The following SPTBN5 variants were observed in gnomAD, a reference collection of about 807,000 sequenced individuals.
SPTBN5 encodes spectrin beta chain, non-erythrocytic 5.
Under a neutral mutation model 477.6 loss-of-function variants are expected in SPTBN5, and 513 were observed. The ratio of observed to expected loss-of-function variants is 1.07; its 90% CI spans 1.00 to 1.16. SPTBN5 has a LOEUF of 1.16. Ranked by LOEUF, SPTBN5 falls within the 50% of genes most tolerant of loss-of-function variation. SPTBN5 has a pLI of 0.00. For missense variants in SPTBN5, 5,062 were observed against 4,731.8 expected, an observed-to-expected ratio of 1.07 and a Z score of -2.05; for synonymous variants, 2,169 against 2,011.7, an observed-to-expected ratio of 1.08 and a Z score of -2.09.
At chr15:41,854,514 T>C (rs890506) in intron 56 of SPTBN5, among the ~76,000 whole-genome samples, 53,873 of 151,728 alleles carry the variant, frequency 0.36, 10,223 homozygotes, top group Middle Eastern at 0.5. Context: ...TGGCTGACCC[T>C]GGCAGTACCA....
chr15:41,849,744 T>C (rs903100012), intron 67 of SPTBN5, 125 bp downstream of exon 67: 7 of 734,296 alleles, frequency 9.5e-6, no homozygotes, highest in Non-Finnish European at 1.6e-5. Flanking sequence ...AGGGTTCCAA[T>C]AGCATTTCCC....
chr15:41,868,628 C>G (rs1372296677), intron 32 of SPTBN5, 27 bp from the exon 33 acceptor site: 3 of 1,591,608 alleles, frequency 1.9e-6, no homozygotes, highest in Middle Eastern at 1.7e-4. Flanking sequence ...GGAGGGAGAG[C>G]CGGGTGAGGG....
intron 23 of SPTBN5, 36 bp downstream of exon 23, chr15:41,874,806 G>A: frequency 6.4e-7 from 1 of 1,573,328 alleles, no homozygotes; most frequent in East Asian, 2.3e-5. Flanking sequence ...TCACATGGAG[G>A]AGTGACACAC....
rs1477148092 is a variant in SPTBN5 at position 41,853,586 on chromosome 15, G to A, written c.9976C>T (p.Leu3326=). 6 of 1,572,144 alleles carry A rather than the reference G, an allele frequency of 3.8e-6. No homozygotes were observed. Among genetic ancestry groups the A allele is most frequent in the Non-Finnish European group, 8.7e-7 (1 of 1,155,820 alleles). Residue 3326 remains leucine, a synonymous_variant, in exon 58 of 68, where the codon CTG becomes TTG. Coordinates refer to ENST00000320955, the MANE Select transcript of SPTBN5 (RefSeq NM_016642.4). The part of the protein sequence containing the change: ...GHAFLGRCQE[L]LAWAQERQEL... ...CAGCTGAGGTAGGACACCTACAGCAGTTCCTGGCAGCGCCCGAGGAAGGCA... is the reference window on the plus strand; with the variant it reads ...CAGCTGAGGTAGGACACCTACAGCAATTCCTGGCAGCGCCCGAGGAAGGCA...
chr15:41,850,847 A>G lies in SPTBN5; in HGVS notation c.10921+7T>C, dbSNP rs1244521463. On this transcript the variant is annotated splice_region_variant and intron_variant, in intron 66 of 67. Coordinates refer to ENST00000320955, the MANE Select transcript of SPTBN5 (RefSeq NM_016642.4). ...CGCCCTCCCCGCATCCTTCCCCTGA[A>G]GCCCACCTGCAGTGCTGCCCAGGGC... 6.3e-7 allele frequency: 1 copy of G among 1,589,352 alleles called. No individual in the cohort carries two copies. Among genetic ancestry groups the G allele is most frequent in the East Asian group, 2.3e-5 (1 of 43,472 alleles).
rs2067154430 is a variant in SPTBN5 at position 41,886,451 on chromosome 15, G to T, written c.889-85C>A. 1.1e-5 allele frequency: 16 copies of T among 1,428,434 alleles called. 1 individual carries two copies. The South Asian group carries it at 2.2e-4, about 20-fold the overall frequency. 88.5% of individuals were successfully genotyped at this position (1,428,434 alleles called of 1,614,324 possible). A position where few individuals can be genotyped will look rare whatever the true frequency, so the allele number is the denominator to read the frequency against. On this transcript the variant is annotated intron_variant, in intron 6 of 67. Transcript: ENST00000320955. The stretch of plus-strand genomic sequence containing the variant: ...CTGAGTGCCAGCCAGAGTTCCCCAG[G>T]TGGGCTGTAGCTACTTCTCTGAGCC...
intron 53 of SPTBN5, 24 bp from the exon 54 acceptor site, chr15:41,855,769 C>T (rs779629576): frequency 5.0e-5 from 77 of 1,538,016 alleles, no homozygotes; most frequent in South Asian, 1.4e-4. Context: ...AGTGGAGATC[C>T]GTTTTCCCGG....
rs572179901 is a variant in SPTBN5 at position 41,885,163 on chromosome 15, A to G, written c.1520+572T>C. Reference sequence around the variant, plus strand: ...CTCAGCCTCCCGAGTAGCTGAGATTACAGGCGCCCGCCACCACGCCTGGCT... The same window carrying G: ...CTCAGCCTCCCGAGTAGCTGAGATTGCAGGCGCCCGCCACCACGCCTGGCT... On this transcript the variant is annotated intron_variant, in intron 7 of 67. Coordinates refer to ENST00000320955, the MANE Select transcript of SPTBN5 (RefSeq NM_016642.4). Among the ~76,000 whole-genome samples, 18 of 152,190 alleles carry G rather than the reference A, an allele frequency of 1.2e-4. No homozygotes were observed. In the East Asian group the frequency reaches 3.1e-3, roughly 26 times the overall value.
rs778216329 is a variant in SPTBN5, at chr15:41,852,197, C to T, written c.10569G>A (p.Glu3523=). The change falls in exon 62 of 68, where the codon GAG becomes GAA. Residue 3523 remains glutamate, a synonymous_variant. Transcript: ENST00000320955. The stretch of plus-strand genomic sequence containing the variant: ...GGACACCTGCCTGGGGGTCCCTCGT[C>T]TCAGCCAGCTGTGCTCCTAGCCCCT... ...GHQGLGAQLA[E]TRDPQDAKGT... is the part of the protein sequence containing the mutation. 20 of 1,597,466 alleles carry T rather than the reference C, an allele frequency of 1.3e-5. No individual in the cohort carries two copies. The highest frequency in any genetic ancestry group is 1.7e-5 in the Non-Finnish European group (20 of 1,169,054).
In SPTBN5 at chr15:41,868,543, C is replaced by T. The variant is rs1414665779; in HGVS notation, c.5912G>A (p.Ser1971Asn). Residue 1971 changes from serine (S) to asparagine (N), a missense_variant, in exon 33 of 68, where the codon AGT (serine) becomes AAT (asparagine). Ser to Asn is a conservative substitution (Grantham distance 46). Transcript: ENST00000320955. ...CGGGCCACTGCTAGGCTCTTGCGAA[C>T]TCTCCTCCACCTGCAGGTCCTGGCG... is the stretch of plus-strand genomic sequence containing the variant. ...RVRQDLQVEESSQEPSSGPLK... is the reference protein window; with the variant it reads ...RVRQDLQVEENSQEPSSGPLK... 6.2e-7 allele frequency: 1 copy of T among 1,605,876 alleles called. No homozygotes were observed. The highest frequency in any genetic ancestry group is 8.5e-7 in the Non-Finnish European group (1 of 1,179,678).
intron 63 of SPTBN5, 81 bp from the exon 64 acceptor site, chr15:41,851,450 G>A: frequency 9.6e-7 from 1 of 1,037,596 alleles, no homozygotes; most frequent in Non-Finnish European, 1.4e-6. Flanking sequence ...CACCATGTGT[G>A]TGGAGCTTCC....
At position 41,878,571 on chromosome 15, in the gene SPTBN5, G is replaced by T. The variant is rs1258362047; in HGVS notation, c.3241C>A (p.Gln1081Lys). The change falls in exon 17 of 68, where the codon CAG becomes AAG. Residue 1081 changes from glutamine (Q) to lysine (K), a missense_variant. Physicochemically the swap from Gln to Lys is moderately conservative, Grantham distance 53 (BLOSUM62 1). Transcript: ENST00000320955. Reference sequence around the variant, plus strand: ...TCCTGTACTTGCTTCAGCAGCCCCTGCAGTGTCTCCACCTGTCCTTGCAGA... The same window carrying T: ...TCCTGTACTTGCTTCAGCAGCCCCTTCAGTGTCTCCACCTGTCCTTGCAGA... ...QPLQGQVETL[Q>K]GLLKQVQEQV... is the part of the protein sequence containing the mutation. 1.2e-6 allele frequency: 2 copies of T among 1,612,746 alleles called. No homozygotes were observed. Among genetic ancestry groups the T allele is most frequent in the African/African-American group, 1.3e-5 (1 of 74,944 alleles).
chr15:41,851,060 T>C lies in SPTBN5; in HGVS notation c.10834A>G (p.Arg3612Gly), dbSNP rs779140053. ...CGGAGTCCATGTCTCTCCGCTCACC[T>C]TAAGGAGAATGTGTGTTTCCTGCCG... is the stretch of plus-strand genomic sequence containing the variant. ...RHGRKHTFSL[R>G]LTSGAEILFA... is the part of the protein sequence containing the mutation. The change falls in exon 65 of 68, where the codon AGG becomes GGG. Residue 3612 changes from arginine to glycine, a missense_variant and splice_region_variant. Transcript: ENST00000320955. 10 of 1,611,616 alleles carry C rather than the reference T, an allele frequency of 6.2e-6. No individual in the cohort carries two copies. In the East Asian group the frequency reaches 2.0e-4, roughly 32 times the overall value.
Position 41,856,603 on chromosome 15 carries a change from G to C in SPTBN5, c.8809-5C>G, listed in dbSNP as rs763797990. On this transcript the variant is annotated splice_polypyrimidine_tract_variant and splice_region_variant and intron_variant, in intron 52 of 67. Coordinates refer to ENST00000320955, the MANE Select transcript of SPTBN5 (RefSeq NM_016642.4). Reference sequence around the variant, plus strand: ...GCTCATCTCACTCTCCAGGTTCTGCGGGGGAGGAGGCAGGAGGATGCGGAT... The same window carrying C: ...GCTCATCTCACTCTCCAGGTTCTGCCGGGGAGGAGGCAGGAGGATGCGGAT... The C allele has an allele frequency of 6.4e-7, 1 of 1,572,444 alleles. No individual in the cohort carries two copies. The highest frequency in any genetic ancestry group is 8.6e-7 in the Non-Finnish European group (1 of 1,165,518).
rs1428031647 is a variant in SPTBN5 at position 41,880,202 on chromosome 15, C to T, written c.2769G>A (p.Gln923=). Residue 923 remains glutamine, a synonymous_variant, in exon 14 of 68, where the codon CAG becomes CAA. Transcript: ENST00000320955. The part of the protein sequence containing the change: ...EKQTVLLQRV[Q]PQADTLEVMQ... ...TGACCTCCAGGGTGTCAGCCTGGGG[C>T]TGCACCCTTTGGAGCAGCACTGTCT... 1 of 1,606,422 alleles carries T rather than the reference C, an allele frequency of 6.2e-7. No homozygotes were observed. The highest frequency in any genetic ancestry group is 8.5e-7 in the Non-Finnish European group (1 of 1,176,918).
chr15:41,854,750 C>T (rs2065881714), intron 56 of SPTBN5, 32 bp downstream of exon 56: 3 of 1,470,954 alleles, frequency 2.0e-6, no homozygotes, highest in East Asian at 4.9e-5. Flanking sequence ...ACTCTGACAC[C>T]CCTTAGCTTG....
chr15:41,890,701 G>A (rs957933155), intron 3 of SPTBN5, among the ~76,000 whole-genome samples: 1 of 152,210 alleles, frequency 6.6e-6, no homozygotes, highest in Non-Finnish European at 1.5e-5. Flanking sequence ...TATAAATCCA[G>A]ACTCCCAGGC....
Position 41,882,054 on chromosome 15 carries a change from G to A in SPTBN5, c.2339C>T (p.Ala780Val). ...RASCGQDQAA[A>V]ETLLRRHVRL... is the part of the protein sequence containing the mutation. Reference sequence around the variant, plus strand: ...CACGTGGCGCCTCAGCAGGGTCTCGGCGGCCGCCTGGTCCTGACCGCAGGA... The same window carrying A: ...CACGTGGCGCCTCAGCAGGGTCTCGACGGCCGCCTGGTCCTGACCGCAGGA... Residue 780 changes from alanine (A) to valine (V), a missense_variant, in exon 12 of 68, where the codon GCC becomes GTC. By Grantham distance (64) the Ala-to-Val change is moderately conservative (BLOSUM62 0). Coordinates refer to ENST00000320955, the MANE Select transcript of SPTBN5 (RefSeq NM_016642.4). 6.4e-7 allele frequency: 1 copy of A among 1,559,170 alleles called. No individual in the cohort carries two copies. The highest frequency in any genetic ancestry group is 8.6e-7 in the Non-Finnish European group (1 of 1,164,302).
intron 22 of SPTBN5, 61 bp from the exon 23 acceptor site, chr15:41,875,117 C>A (rs2066681313): frequency 7.4e-6 from 11 of 1,482,404 alleles, no homozygotes; most frequent in South Asian, 1.2e-5. Context: ...AGTGGCCTTC[C>A]CGGGCTCTGG....
Sources: gnomAD v4.1 joint callset for allele counts (sites outside exome capture counted in the v4.1 genomes callset) on GRCh38, gnomAD v4.1.1 for gene constraint, MANE v1.5 for transcripts, NCBI Gene and HGNC (gene_info 2026-07-23, HGNC 2026-07-21) for gene names.